Variants in IRGM observed in about 807,000 individuals in gnomAD.
The protein encoded by IRGM is immunity related GTPase M.
For missense variants in IRGM, 288 were observed against 219.9 expected, an observed-to-expected ratio of 1.31 and a Z score of -1.96; for synonymous variants, 98 against 80.6, an observed-to-expected ratio of 1.22 and a Z score of -1.16.
chr5:150,894,497 A>C (rs1754680655), intron 3 of IRGM: 1 of 152,312 alleles, frequency 6.6e-6, no homozygotes, highest in African/African-American at 2.4e-5. Flanking sequence ...CACCAGGATC[A>C]GAAGACAGTA....
intron 1 of IRGM, among the ~76,000 whole-genome samples, chr5:150,871,134 C>A (rs1047646621): frequency 5.9e-5 from 9 of 152,192 alleles, no homozygotes; most frequent in Non-Finnish European, 1.3e-4. Flanking sequence ...TGGCTGTCAC[C>A]CCATGCTACA....
intron 1 of IRGM, among the ~76,000 whole-genome samples, chr5:150,859,054 G>A (rs1269650927): frequency 6.6e-6 from 1 of 152,154 alleles, no homozygotes; most frequent in East Asian, 1.9e-4. Context: ...TATGATATTG[G>A]TTGTGGATTT....
intron 3 of IRGM, chr5:150,895,489 T>C: frequency 6.2e-7 from 1 of 1,613,332 alleles, no homozygotes; most frequent in Non-Finnish European, 8.5e-7. Context: ...ATGAAGGCCT[T>C]CCCACATATA....
Position 150,848,138 on chromosome 5 carries a change from T to C in IRGM, c.15T>C (p.Asn5=). Residue 5 remains asparagine (N), a synonymous_variant, in exon 2 of 2, where the codon AAT becomes AAC. Transcript: ENST00000522154. MEAM[N]VEKASADGNL... Reference sequence around the variant, plus strand: ...TTTTATTGAAGATGGAAGCCATGAATGTTGAGAAAGCCTCAGCAGATGGGA... The same window carrying C: ...TTTTATTGAAGATGGAAGCCATGAACGTTGAGAAAGCCTCAGCAGATGGGA... 1 of 1,544,838 alleles carries C rather than the reference T, an allele frequency of 6.5e-7. No individual in the cohort carries two copies. The highest frequency in any genetic ancestry group is 8.8e-7 in the Non-Finnish European group (1 of 1,142,432).
chr5:150,890,414 C>CT (rs1754591900), intron 3 of IRGM, among the ~76,000 whole-genome samples: 1 of 149,916 alleles, frequency 6.7e-6, no homozygotes, highest in Non-Finnish European at 1.5e-5. Context: ...TTTCCTGAGT[C>CT]TGACATATCT....
intron 1 of IRGM, among the ~76,000 whole-genome samples, chr5:150,862,999 A>C (rs575509892): frequency 6.6e-6 from 1 of 152,362 alleles, no homozygotes; most frequent in African/African-American, 2.4e-5. Flanking sequence ...AGAAAGAAGA[A>C]TTTATGGGGG....
At chr5:150,884,295 C>T (rs1320464607) in intron 3 of IRGM, among the ~76,000 whole-genome samples, 2 of 151,112 alleles carry the variant, frequency 1.3e-5, no homozygotes, top group Admixed American at 6.6e-5. Context: ...GTATATGTAC[C>T]ACATTTTCTT....
intron 3 of IRGM, among the ~76,000 whole-genome samples, chr5:150,887,711 C>T (rs1274706871): frequency 6.6e-6 from 1 of 150,834 alleles, no homozygotes; most frequent in East Asian, 1.9e-4. Flanking sequence ...TGACAGGTCA[C>T]CTGCAAAGAA....
At chr5:150,872,997 C>T (rs1187543080) in intron 1 of IRGM, among the ~76,000 whole-genome samples, 7 of 152,156 alleles carry the variant, frequency 4.6e-5, no homozygotes, top group East Asian at 1.9e-4. Flanking sequence ...CAGTGGGAAC[C>T]GCAGTCACTC....
downstream of IRGM, among the ~76,000 whole-genome samples, chr5:150,850,150 G>T (rs144677947): frequency 2.2e-4 from 33 of 152,228 alleles, 1 homozygote; most frequent in Admixed American, 2.2e-3. Flanking sequence ...TGCTGCTGAA[G>T]GGTCCTATTT....
At chr5:150,849,689 T>G (rs948967044), downstream of IRGM, among the ~76,000 whole-genome samples, 4 of 149,310 alleles carry the variant, frequency 2.7e-5, no homozygotes, top group African/African-American at 9.9e-5. Context: ...TCACTGCAAC[T>G]TCCGCCTCCT....
At chr5:150,856,873 T>C (rs1329117984) in intron 1 of IRGM, among the ~76,000 whole-genome samples, 2 of 146,954 alleles carry the variant, frequency 1.4e-5, no homozygotes, top group Non-Finnish European at 3.0e-5. Context: ...TATTAATTAT[T>C]AATTAATATT....
chr5:150,850,443 C>T (rs142502562), downstream of IRGM, among the ~76,000 whole-genome samples: 160 of 152,172 alleles, frequency 1.1e-3, 2 homozygotes, highest in African/African-American at 3.7e-3. Context: ...ATGTCTGTAA[C>T]ATAGAGAAAT....
At chr5:150,864,020 C>G (rs1754172218) in intron 1 of IRGM, among the ~76,000 whole-genome samples, 1 of 152,134 alleles carries the variant, frequency 6.6e-6, no homozygotes, top group Non-Finnish European at 1.5e-5. Context: ...ACAGCCAGGA[C>G]CTGGTTTTTC....
downstream of IRGM, among the ~76,000 whole-genome samples, chr5:150,849,605 C>CTTTTT (rs922246775): frequency 3.1e-5 from 4 of 128,408 alleles, no homozygotes; most frequent in South Asian, 5.0e-4. Flanking sequence ...CTTTTTCTCT[C>CTTTTT]TTTTTTTTTT....
intron 1 of IRGM, among the ~76,000 whole-genome samples, chr5:150,854,515 A>C (rs1048606455): frequency 6.6e-6 from 1 of 152,102 alleles, no homozygotes; most frequent in Non-Finnish European, 1.5e-5. Context: ...GTAGCCTCTT[A>C]GCTTGTTTAC....
chr5:150,878,195 T>C (rs1754393368), intron 2 of IRGM: 1 of 372,832 alleles, frequency 2.7e-6, no homozygotes, highest in Non-Finnish European at 5.2e-6. Flanking sequence ...GTTGTTGTTG[T>C]TAATGCTTCC....
At chr5:150,856,168 C>T (rs561034166) in intron 1 of IRGM, among the ~76,000 whole-genome samples, 3 of 152,266 alleles carry the variant, frequency 2.0e-5, no homozygotes, top group Non-Finnish European at 4.4e-5. Flanking sequence ...GGTGGCGGCT[C>T]ATACCTGTAA....
downstream of IRGM, among the ~76,000 whole-genome samples, chr5:150,848,894 C>T (rs1753930857): frequency 6.6e-6 from 1 of 152,026 alleles, no homozygotes; most frequent in Non-Finnish European, 1.5e-5. Flanking sequence ...CGGAACTCTC[C>T]ACCAGGTGCT....
Sources: gnomAD v4.1 joint callset for allele counts (sites outside exome capture counted in the v4.1 genomes callset) on GRCh38, gnomAD v4.1.1 for gene constraint, MANE v1.5 for transcripts, NCBI Gene and HGNC (gene_info 2026-07-23, HGNC 2026-07-21) for gene names.